The following PPP1R12B variants were observed in gnomAD, a reference collection of about 807,000 sequenced individuals.
PPP1R12B encodes the protein protein phosphatase 1 regulatory subunit 12B.
PPP1R12B carries 76 observed loss-of-function variants against 126.1 expected under a neutral mutation model. The observed-to-expected ratio is 0.60, with a 90% confidence interval of 0.50 to 0.73. PPP1R12B has a LOEUF of 0.73. Among genes scored for constraint, PPP1R12B ranks in the 30% least tolerant of loss-of-function variants. The probability of loss-of-function intolerance (pLI) is 0.00; values close to 1 mark genes in which losing one functional copy is unlikely to be tolerated. For missense variants in PPP1R12B, 1,052 were observed against 1,205.1 expected, an observed-to-expected ratio of 0.87 and a Z score of 1.88; for synonymous variants, 356 against 434.7, an observed-to-expected ratio of 0.82 and a Z score of 2.25.
At chr1:202,414,123 T>C (rs1376324428) in intron 1 of PPP1R12B, among the ~76,000 whole-genome samples, 1 of 152,252 alleles carries the variant, frequency 6.6e-6, no homozygotes, top group Non-Finnish European at 1.5e-5. Flanking sequence ...GGTTTCACCA[T>C]GTTGGCTAGG....
chr1:202,379,542 T>C (rs1661877234), intron 1 of PPP1R12B, among the ~76,000 whole-genome samples: 1 of 152,206 alleles, frequency 6.6e-6, no homozygotes, highest in African/African-American at 2.4e-5. Context: ...TTGTCTCCAT[T>C]TACACTGCTA....
chr1:202,412,797 A>C (rs941085014), intron 1 of PPP1R12B, among the ~76,000 whole-genome samples: 7 of 152,194 alleles, frequency 4.6e-5, no homozygotes, highest in African/African-American at 1.2e-4. Flanking sequence ...TTTACTTAAA[A>C]ACGTTTATTT....
rs1689887270 is a variant in PPP1R12B, at chr1:202,587,491, C to G, written c.*6931C>G. The stretch of plus-strand genomic sequence containing the variant: ...CATGAGTAGCCATGTCTGGTTTACT[C>G]TTTATCCTGAGACTGTTTATAGCTT... On this transcript the variant is annotated 3_prime_UTR_variant, in exon 24 of 24. Coordinates refer to ENST00000608999, the MANE Select transcript of PPP1R12B (RefSeq NM_002481.4). 1 of 128,436 alleles carries G rather than the reference C, an allele frequency of 7.8e-6. No individual in the cohort carries two copies. Among genetic ancestry groups the G allele is most frequent in the Admixed American group, 9.3e-5 (1 of 10,730 alleles). 8.0% of individuals were successfully genotyped at this position (128,436 alleles called of 1,614,324 possible). A position where few individuals can be genotyped will look rare whatever the true frequency, so the allele number is the denominator to read the frequency against.
intron 23 of PPP1R12B, among the ~76,000 whole-genome samples, chr1:202,578,410 G>A (rs146624427): frequency 2.0e-5 from 3 of 152,240 alleles, no homozygotes; most frequent in Non-Finnish European, 4.4e-5. Context: ...GATTGAACAC[G>A]GAAACATGAG....
At chr1:202,555,291 A>C (rs1686767310) in intron 18 of PPP1R12B, among the ~76,000 whole-genome samples, 1 of 135,662 alleles carries the variant, frequency 7.4e-6, no homozygotes, top group Non-Finnish European at 1.6e-5. Flanking sequence ...GCTAAGATTG[A>C]TGCTTGGTAA....
At chr1:202,513,070 T>G (rs1425622757) in intron 18 of PPP1R12B, among the ~76,000 whole-genome samples, 1 of 152,146 alleles carries the variant, frequency 6.6e-6, no homozygotes, top group Non-Finnish European at 1.5e-5. Context: ...ACCTCTTGGG[T>G]TCAAGCAGTT....
intron 22 of PPP1R12B, 73 bp downstream of exon 22, chr1:202,567,904 A>G (rs1688211609): frequency 6.5e-7 from 1 of 1,539,412 alleles, no homozygotes; most frequent in African/African-American, 1.4e-5. Context: ...TTTGTTATTC[A>G]TGCCAATGGA....
chr1:202,368,168 A>G (rs1659607182), intron 1 of PPP1R12B, among the ~76,000 whole-genome samples: 1 of 152,008 alleles, frequency 6.6e-6, no homozygotes, highest in Non-Finnish European at 1.5e-5. Flanking sequence ...ACAGGGTTTC[A>G]CCATGTTGGC....
intron 14 of PPP1R12B, among the ~76,000 whole-genome samples, chr1:202,491,059 C>T (rs991267427): frequency 3.3e-5 from 5 of 152,092 alleles, no homozygotes; most frequent in African/African-American, 1.2e-4. Context: ...AGCGGCTGTA[C>T]CATTTTATGT....
At chr1:202,496,182 T>A (rs1679534441) in intron 17 of PPP1R12B, among the ~76,000 whole-genome samples, 1 of 152,168 alleles carries the variant, frequency 6.6e-6, no homozygotes, top group South Asian at 2.1e-4. Context: ...ACAAATAACA[T>A]AAAATAGATG....
intron 1 of PPP1R12B, 48 bp from the exon 2 acceptor site, chr1:202,416,739 G>A (rs2148617892): frequency 6.4e-7 from 1 of 1,568,570 alleles, no homozygotes; most frequent in Non-Finnish European, 8.7e-7. Flanking sequence ...GCACATAGTG[G>A]AACTCAATGA....
At chr1:202,404,622 C>T (rs1187526072) in intron 1 of PPP1R12B, among the ~76,000 whole-genome samples, 1 of 152,136 alleles carries the variant, frequency 6.6e-6, no homozygotes, top group African/African-American at 2.4e-5. Context: ...GCCTCAGCCT[C>T]CTGAGTAGCT....
intron 3 of PPP1R12B, among the ~76,000 whole-genome samples, chr1:202,424,627 C>T (rs1292580421): frequency 6.6e-6 from 1 of 152,084 alleles, no homozygotes; most frequent in Non-Finnish European, 1.5e-5. Flanking sequence ...CCAGCAGTTT[C>T]TCTTTTAAGA....
intron 1 of PPP1R12B, among the ~76,000 whole-genome samples, chr1:202,392,222 A>G (rs10920400): frequency 0.43 from 65,850 of 151,808 alleles, 15,642 homozygotes; most frequent in East Asian, 0.7. Context: ...ACCAAAGGTG[A>G]ACACAACCCA....
intron 1 of PPP1R12B, among the ~76,000 whole-genome samples, chr1:202,380,927 G>A (rs894305100): frequency 2.6e-5 from 4 of 152,156 alleles, no homozygotes; most frequent in Admixed American, 6.6e-5. Context: ...TAATTGGATT[G>A]CACTGATAGT....
chr1:202,552,203 A>G (rs1487891817), intron 18 of PPP1R12B, among the ~76,000 whole-genome samples: 1 of 152,230 alleles, frequency 6.6e-6, no homozygotes, highest in Non-Finnish European at 1.5e-5. Context: ...ACATCTTTGC[A>G]TAAATCTTGG....
intron 23 of PPP1R12B, chr1:202,577,208 T>C (rs1326639251): frequency 1.3e-5 from 2 of 152,186 alleles, no homozygotes; most frequent in African/African-American, 4.8e-5. Flanking sequence ...GTTAGCAAAC[T>C]GTGACCCACC....
intron 22 of PPP1R12B, among the ~76,000 whole-genome samples, chr1:202,568,853 AACCTGC>A (rs1310380124): frequency 6.6e-6 from 1 of 152,232 alleles, no homozygotes; most frequent in Non-Finnish European, 1.5e-5. Context: ...TGAAATCTTC[AACCTGC>A]ACAGAGTAAC....
At chr1:202,375,065 C>A (rs2148465209) in intron 1 of PPP1R12B, among the ~76,000 whole-genome samples, 1 of 152,312 alleles carries the variant, frequency 6.6e-6, no homozygotes, top group South Asian at 2.1e-4. Context: ...GCCTCAGCCT[C>A]CCGAGTAGCT....
Sources: gnomAD v4.1 joint callset for allele counts (sites outside exome capture counted in the v4.1 genomes callset) on GRCh38, gnomAD v4.1.1 for gene constraint, MANE v1.5 for transcripts, NCBI Gene and HGNC (gene_info 2026-07-23, HGNC 2026-07-21) for gene names.